SPATA6: variants seen among roughly 807,000 people sequenced by gnomAD.
SPATA6 encodes the protein spermatogenesis associated 6, also known as spermatogenesis-associated protein 6.
Under a neutral mutation model 65.3 loss-of-function variants are expected in SPATA6, and 56 were observed. That is an observed-to-expected ratio of 0.86 (90% CI 0.69 to 1.07). SPATA6 has a LOEUF of 1.07. Among genes scored for constraint, SPATA6 ranks in the 50% least tolerant of loss-of-function variants. SPATA6 has a pLI of 0.00. For missense variants in SPATA6, 590 were observed against 594.8 expected (o/e 0.99, Z 0.08); for synonymous variants, 199 against 213.2 (o/e 0.93, Z 0.58).
chr1:48,468,743 A>C (rs2148208107), intron 1 of SPATA6, among the ~76,000 whole-genome samples: 1 of 152,322 alleles, frequency 6.6e-6, no homozygotes, highest in Non-Finnish European at 1.5e-5. Context: ...CTATATTAAA[A>C]TGAACTACAA....
At position 48,459,204 on chromosome 1, in the gene SPATA6, C is replaced by CAAAAA. The variant is rs35079974; in HGVS notation, c.52-6078_52-6074dup. Among the ~76,000 whole-genome samples the CAAAAA allele has an allele frequency of 5.6e-3, 364 of 65,366 alleles. 1 individual carries two copies. The highest frequency in any genetic ancestry group is 7.0e-3 in the East Asian group (13 of 1,846). The allele number at this position is 65,366 out of a possible 152,430, so 42.9% of individuals were successfully genotyped here. A position where few individuals can be genotyped will look rare whatever the true frequency, so the allele number is the denominator to read the frequency against. ...TAGGCAACACTGCGAGACTCCATAT[C>CAAAAA]AAAAAAAAAAAAAAAAAAAAAGAAC... On this transcript the variant is annotated intron_variant, in intron 1 of 12. Coordinates refer to ENST00000371847, the MANE Select transcript of SPATA6 (RefSeq NM_019073.4).
intron 11 of SPATA6, among the ~76,000 whole-genome samples, chr1:48,317,655 T>A (rs1645477781): frequency 6.6e-6 from 1 of 152,110 alleles, no homozygotes; most frequent in Admixed American, 6.5e-5. Flanking sequence ...TGTGCACATG[T>A]ACCTTAAAAC....
chr1:48,297,043 G>A lies in SPATA6; in HGVS notation c.*1670C>T, dbSNP rs1193579097. ...TGACCATATATCCTAATTTGCTGTA[G>A]ACAGCCCCAGTTTACAGGCGCTATT... On this transcript the variant is annotated 3_prime_UTR_variant, in exon 13 of 13. Coordinates refer to ENST00000371847, the MANE Select transcript of SPATA6 (RefSeq NM_019073.4). 2 of 151,620 alleles carry A rather than the reference G, an allele frequency of 1.3e-5. No individual in the cohort carries two copies. Among genetic ancestry groups the A allele is most frequent in the African/African-American group, 4.8e-5 (2 of 41,244 alleles). 9.4% of individuals were successfully genotyped at this position (151,620 alleles called of 1,614,324 possible).
chr1:48,365,328 C>G (rs181504569), intron 9 of SPATA6, among the ~76,000 whole-genome samples: 3 of 152,064 alleles, frequency 2.0e-5, no homozygotes, highest in Admixed American at 6.6e-5. Flanking sequence ...TTTTCCAATT[C>G]TATGAAGAAA....
intron 4 of SPATA6, among the ~76,000 whole-genome samples, chr1:48,412,181 A>G (rs1652309247): frequency 1.3e-5 from 2 of 152,132 alleles, no homozygotes; most frequent in Non-Finnish European, 2.9e-5. Context: ...TTTCACATAA[A>G]ATAAAAATTT....
chr1:48,390,120 T>G (rs1292232515), intron 8 of SPATA6, among the ~76,000 whole-genome samples: 2 of 152,162 alleles, frequency 1.3e-5, no homozygotes, highest in East Asian at 1.9e-4. Flanking sequence ...ATTGAAGAGA[T>G]ATTGCAGCAC....
At chr1:48,317,180 A>T (rs1169660369) in intron 11 of SPATA6, among the ~76,000 whole-genome samples, 1 of 152,242 alleles carries the variant, frequency 6.6e-6, no homozygotes, top group African/African-American at 2.4e-5. Flanking sequence ...ATTACTGGGT[A>T]TATACCCAAA....
intron 7 of SPATA6, among the ~76,000 whole-genome samples, chr1:48,396,790 A>C (rs940921615): frequency 2.0e-5 from 3 of 151,636 alleles, no homozygotes; most frequent in Non-Finnish European, 4.4e-5. Flanking sequence ...GTTATTGCTT[A>C]ATGGGCACAG....
intron 11 of SPATA6, among the ~76,000 whole-genome samples, chr1:48,342,077 G>T (rs1570209809): frequency 6.6e-6 from 1 of 152,126 alleles, no homozygotes; most frequent in Non-Finnish European, 1.5e-5. Flanking sequence ...GCAAAAGCAG[G>T]GGTTGGCAAA....
intron 11 of SPATA6, among the ~76,000 whole-genome samples, chr1:48,350,679 G>C (rs529858230): frequency 6.6e-6 from 1 of 152,008 alleles, no homozygotes; most frequent in South Asian, 2.1e-4. Flanking sequence ...AAAATCAGTT[G>C]ACAGTATTTA....
At chr1:48,403,126 C>A (rs1388645301) in intron 6 of SPATA6, among the ~76,000 whole-genome samples, 1 of 152,032 alleles carries the variant, frequency 6.6e-6, no homozygotes, top group Non-Finnish European at 1.5e-5. Context: ...CATGCCACTG[C>A]ACTCTACCCT....
At chr1:48,440,076 T>C (rs896077996) in intron 3 of SPATA6, among the ~76,000 whole-genome samples, 3 of 151,976 alleles carry the variant, frequency 2.0e-5, no homozygotes, top group Non-Finnish European at 4.4e-5. Context: ...AGCCTCCCCA[T>C]AGCTCCCCTT....
At chr1:48,418,620 T>TGGGA (rs976916485) in intron 3 of SPATA6, among the ~76,000 whole-genome samples, 14 of 147,656 alleles carry the variant, frequency 9.5e-5, no homozygotes, top group Admixed American at 4.8e-4. Context: ...CCCAGATACT[T>TGGGA]GGGAGGCTGA....
chr1:48,375,526 AT>A (rs987100362), intron 9 of SPATA6, among the ~76,000 whole-genome samples: 29 of 151,270 alleles, frequency 1.9e-4, no homozygotes, highest in Middle Eastern at 3.4e-3. Flanking sequence ...TTTGTTTTGT[AT>A]TTTTTTTTAA....
At chr1:48,441,171 T>C (rs954183923) in intron 3 of SPATA6, among the ~76,000 whole-genome samples, 1 of 152,160 alleles carries the variant, frequency 6.6e-6, no homozygotes, top group Admixed American at 6.5e-5. Flanking sequence ...AACCAGATGA[T>C]CCAACAACAG....
At chr1:48,409,487 T>C (rs1016270139) in intron 5 of SPATA6, among the ~76,000 whole-genome samples, 5 of 152,238 alleles carry the variant, frequency 3.3e-5, no homozygotes, top group Non-Finnish European at 7.3e-5. Flanking sequence ...ATCTGGAGAA[T>C]GGTGGCCCTC....
chr1:48,373,249 T>C (rs112474854), intron 9 of SPATA6, among the ~76,000 whole-genome samples: 12,796 of 152,312 alleles, frequency 0.084, 549 homozygotes, highest in Non-Finnish European at 0.093. Context: ...TAGAAGTTTA[T>C]TCTGCCAGAT....
intron 9 of SPATA6, among the ~76,000 whole-genome samples, chr1:48,368,179 G>A (rs1647095398): frequency 6.6e-6 from 1 of 152,182 alleles, no homozygotes; most frequent in Admixed American, 6.5e-5. Context: ...TTAGTCTGAT[G>A]GGCTTCCCTC....
At chr1:48,325,215 C>T in intron 11 of SPATA6, 1 of 715,942 alleles carries the variant, frequency 1.4e-6, no homozygotes, top group Non-Finnish European at 2.5e-6. Flanking sequence ...GCTGCTGGCA[C>T]AATGGGAGTC....
Sources: allele counts gnomAD v4.1 joint callset (sites outside exome capture counted in the v4.1 genomes callset), GRCh38; gene constraint gnomAD v4.1.1; transcripts MANE v1.5; gene names NCBI Gene and HGNC (gene_info 2026-07-23, HGNC 2026-07-21).